The following SLC10A1 variants were observed in gnomAD, a reference collection of about 807,000 sequenced individuals.
The protein encoded by SLC10A1 is hepatic sodium/bile acid cotransporter.
SLC10A1 carries 36 observed loss-of-function variants against 20.5 expected under a neutral mutation model. That is an observed-to-expected ratio of 1.75 (90% CI 1.34 to 2.32). SLC10A1 has a LOEUF of 2.32. SLC10A1 is among the 30% of genes most tolerant of loss of function. The pLI is 0.00. For missense variants in SLC10A1, 545 were observed against 439.1 expected, an observed-to-expected ratio of 1.24 and a Z score of -2.16; for synonymous variants, 188 against 163.6, an observed-to-expected ratio of 1.15 and a Z score of -1.14.
chr14:69,793,610 T>G (rs1882325584), intron 1 of SLC10A1, among the ~76,000 whole-genome samples: 2 of 152,160 alleles, frequency 1.3e-5, no homozygotes, highest in African/African-American at 4.8e-5. Context: ...GGGACCCCAG[T>G]GGCTTCCATC....
chr14:69,779,512 ATTCCT>A, intron 2 of SLC10A1, 152 bp from the exon 3 acceptor site: 1 of 587,066 alleles, frequency 1.7e-6, no homozygotes, highest in Non-Finnish European at 2.9e-6. Context: ...TTCTTTTTGG[ATTCCT>A]TTCTTTAAAT....
intron 1 of SLC10A1, among the ~76,000 whole-genome samples, chr14:69,794,395 A>T (rs1882344437): frequency 6.6e-6 from 1 of 152,132 alleles, no homozygotes; most frequent in South Asian, 2.1e-4. Flanking sequence ...AAGATATTTC[A>T]GTAAAAGCAC....
At chr14:69,786,728 A>G (rs533231175) in intron 1 of SLC10A1, among the ~76,000 whole-genome samples, 25 of 152,224 alleles carry the variant, frequency 1.6e-4, no homozygotes, top group Non-Finnish European at 3.5e-4. Flanking sequence ...TGGACCATGG[A>G]ATGGCACCTG....
chr14:69,780,257 A>G (rs182602958), intron 2 of SLC10A1, among the ~76,000 whole-genome samples: 88 of 152,334 alleles, frequency 5.8e-4, no homozygotes, highest in African/African-American at 1.9e-4. Context: ...CAACCTTTCA[A>G]AGTGCATGTG....
In SLC10A1 at chr14:69,778,500, C is replaced by T. The variant is rs1883506618; in HGVS notation, c.776G>A (p.Gly259Glu). 2 of 1,611,344 alleles carry T rather than the reference C, an allele frequency of 1.2e-6. No homozygotes were observed. Among genetic ancestry groups the T allele is most frequent in the Admixed American group, 1.7e-5 (1 of 59,750 alleles). ...GGAACAGAGTTGGACATTTTGGCAT[C>T]CAGTCTCCATGCTGACAGTGCGTCT... ...RCRRTVSMETGCQNVQLCSTI... is the reference protein window; with the variant it reads ...RCRRTVSMETECQNVQLCSTI... Residue 259 changes from glycine to glutamate, a missense_variant, in exon 4 of 5, where the codon GGA becomes GAA. By Grantham distance (98) the Gly-to-Glu change is moderately conservative (BLOSUM62 -2). Coordinates refer to ENST00000216540, the MANE Select transcript of SLC10A1 (RefSeq NM_003049.4).
At position 69,796,703 on chromosome 14, in the gene SLC10A1, C is replaced by T. The variant is rs113916062; in HGVS notation, c.356+97G>A. The T allele has an allele frequency of 1.6e-4, 166 of 1,037,790 alleles. 1 individual carries two copies. Among genetic ancestry groups the T allele is most frequent in the African/African-American group, 4.8e-5 (3 of 62,922 alleles). 64.3% of individuals were successfully genotyped at this position (1,037,790 alleles called of 1,614,324 possible). ...CTAGCCTCCACCCAGCCTGCATTCA[C>T]TCCTTTTCCTGGCTTTAGCCCAGCT... On this transcript the variant is annotated intron_variant, in intron 1 of 4. Coordinates refer to ENST00000216540, the MANE Select transcript of SLC10A1 (RefSeq NM_003049.4).
chr14:69,789,091 T>C (rs1883787291), intron 1 of SLC10A1, among the ~76,000 whole-genome samples: 1 of 152,180 alleles, frequency 6.6e-6, no homozygotes, highest in Non-Finnish European at 1.5e-5. Flanking sequence ...TATGGAAAAT[T>C]AGGAATCCTC....
chr14:69,779,360 C>T lies in SLC10A1; in HGVS notation c.568G>A (p.Gly190Arg), dbSNP rs201362544. The T allele has an allele frequency of 6.2e-6, 10 of 1,603,168 alleles. No individual in the cohort carries two copies. Among genetic ancestry groups the T allele is most frequent in the Non-Finnish European group, 7.7e-6 (9 of 1,172,050 alleles). ...RPQYMRYVIK[G>R]GMIIILLCSV... Reference sequence around the variant, plus strand: ...CACAAGAGAATGATGATCATCCCTCCCTGGGAATGAAGACAAGAAAAGGCA... The same window carrying T: ...CACAAGAGAATGATGATCATCCCTCTCTGGGAATGAAGACAAGAAAAGGCA... Residue 190 changes from glycine (G) to arginine (R), a missense_variant and splice_region_variant, in exon 3 of 5, where the codon GGA becomes AGA. By Grantham distance (125) the Gly-to-Arg change is moderately radical. Transcript: ENST00000216540.
chr14:69,779,439 T>C (rs1291234806), intron 2 of SLC10A1, 79 bp from the exon 3 acceptor site: 3 of 1,154,892 alleles, frequency 2.6e-6, no homozygotes, highest in Non-Finnish European at 1.2e-6. Flanking sequence ...CAGGTAGAAA[T>C]TGGAGGTGGG....
At chr14:69,782,108 A>G (rs893041013) in intron 2 of SLC10A1, among the ~76,000 whole-genome samples, 9 of 152,210 alleles carry the variant, frequency 5.9e-5, no homozygotes, top group East Asian at 5.8e-4. Flanking sequence ...AGCTTGACCC[A>G]CATGTTAGTC....
At chr14:69,778,007 C>T (rs1883489369) in intron 4 of SLC10A1, among the ~76,000 whole-genome samples, 1 of 152,120 alleles carries the variant, frequency 6.6e-6, no homozygotes, top group African/African-American at 2.4e-5. Context: ...GCCTTTCACA[C>T]AACTAATAAC....
At chr14:69,776,454 T>A in intron 4 of SLC10A1, 66 bp from the exon 5 acceptor site, 1 of 1,301,376 alleles carries the variant, frequency 7.7e-7, no homozygotes, top group Non-Finnish European at 1.1e-6. Context: ...GAAGCTTGTT[T>A]AATCTGGAAA....
intron 1 of SLC10A1, among the ~76,000 whole-genome samples, chr14:69,796,369 A>T (rs1882385675): frequency 6.6e-6 from 1 of 152,184 alleles, no homozygotes; most frequent in Admixed American, 6.5e-5. Flanking sequence ...TGAGGTGCTC[A>T]TTTGGTTCCA....
intron 1 of SLC10A1, among the ~76,000 whole-genome samples, chr14:69,794,899 A>G (rs918185957): frequency 1.3e-5 from 2 of 152,178 alleles, no homozygotes; most frequent in Middle Eastern, 3.2e-3. Flanking sequence ...GAGCCACAGC[A>G]ATGTAGGCAT....
At chr14:69,782,033 CAG>C (rs1555352539) in intron 2 of SLC10A1, among the ~76,000 whole-genome samples, 5 of 152,174 alleles carry the variant, frequency 3.3e-5, no homozygotes, top group Admixed American at 6.5e-5. Flanking sequence ...ATTTATGGGA[CAG>C]GGTGACGAAG....
At chr14:69,777,590 T>G (rs555271507) in intron 4 of SLC10A1, among the ~76,000 whole-genome samples, 8 of 95,562 alleles carry the variant, frequency 8.4e-5, no homozygotes, top group Non-Finnish European at 9.9e-5. Context: ...TTTTTTTTTT[T>G]TTTTTTTTTT....
At chr14:69,789,313 A>C (rs544216749) in intron 1 of SLC10A1, among the ~76,000 whole-genome samples, 92 of 152,340 alleles carry the variant, frequency 6.0e-4, no homozygotes, top group Middle Eastern at 6.8e-3. Flanking sequence ...CCATGTGTCC[A>C]TCAGCTGAAT....
Position 69,797,215 on chromosome 14 carries a change from A to T in SLC10A1, c.-60T>A. The T allele has an allele frequency of 6.9e-7, 1 of 1,438,936 alleles. No homozygotes were observed. Among genetic ancestry groups the T allele is most frequent in the South Asian group, 1.3e-5 (1 of 76,982 alleles). The allele number at this position is 1,438,936 out of a possible 1,614,324, so 89.1% of individuals were successfully genotyped here. A position where few individuals can be genotyped will look rare whatever the true frequency, so the allele number is the denominator to read the frequency against. On this transcript the variant is annotated 5_prime_UTR_variant, in exon 1 of 5. Coordinates refer to ENST00000216540, the MANE Select transcript of SLC10A1 (RefSeq NM_003049.4). Reference sequence around the variant, plus strand: ...CTCCGGCTGACTCCGTTTCTTGTGCAGTTCTTGCTGGATGCCTTCTTTAAT... The same window carrying T: ...CTCCGGCTGACTCCGTTTCTTGTGCTGTTCTTGCTGGATGCCTTCTTTAAT...
chr14:69,781,640 A>T (rs1388463383), intron 2 of SLC10A1, among the ~76,000 whole-genome samples: 2 of 152,182 alleles, frequency 1.3e-5, no homozygotes, highest in Non-Finnish European at 2.9e-5. Context: ...GCATGAGTAG[A>T]GTGTTGAGTC....
Sources: gnomAD v4.1 joint callset for allele counts (sites outside exome capture counted in the v4.1 genomes callset) on GRCh38, gnomAD v4.1.1 for gene constraint, MANE v1.5 for transcripts, NCBI Gene and HGNC (gene_info 2026-07-23, HGNC 2026-07-21) for gene names.